The following HRH1 variants were observed in gnomAD, a reference collection of about 807,000 sequenced individuals.
HRH1 encodes the protein histamine receptor H1.
Under a neutral mutation model 10.3 loss-of-function variants are expected in HRH1, and 6 were observed. That is an observed-to-expected ratio of 0.58 (90% CI 0.32 to 1.15). HRH1 has a LOEUF of 1.15. Among genes scored for constraint, HRH1 ranks in the 50% most tolerant of loss-of-function variants. The pLI is 0.05. For synonymous variants in HRH1, 242 were observed against 236.7 expected (o/e 1.02, Z -0.21); for missense variants, 514 against 615.3 (o/e 0.84, Z 1.74).
chr3:11,256,480 T>C (rs1939786006), intron 1 of HRH1, among the ~76,000 whole-genome samples: 1 of 152,146 alleles, frequency 6.6e-6, no homozygotes, highest in Admixed American at 6.5e-5. Flanking sequence ...GGGGTTTTGA[T>C]TTTTATCTTA....
chr3:11,254,894 C>A (rs1939744740), intron 1 of HRH1, among the ~76,000 whole-genome samples: 1 of 152,222 alleles, frequency 6.6e-6, no homozygotes, highest in South Asian at 2.1e-4. Flanking sequence ...CAGTTCCTAG[C>A]ACTTCTGTGT....
chr3:11,142,199 G>A (rs898324935), intron 1 of HRH1, among the ~76,000 whole-genome samples: 2 of 152,230 alleles, frequency 1.3e-5, no homozygotes, highest in African/African-American at 4.8e-5. Context: ...GCAGAAACGG[G>A]TGGAAGAGAA....
intron 1 of HRH1, among the ~76,000 whole-genome samples, chr3:11,182,271 C>T (rs994767911): frequency 4.6e-5 from 7 of 152,124 alleles, no homozygotes; most frequent in South Asian, 4.2e-4. Context: ...TGTGAGCCAC[C>T]GCGCCCGGCC....
At chr3:11,152,817 T>C (rs961027352), upstream of HRH1, among the ~76,000 whole-genome samples, 2 of 152,040 alleles carry the variant, frequency 1.3e-5, no homozygotes, top group African/African-American at 4.8e-5. Flanking sequence ...AGGGCTTTCG[T>C]GGATCCAGGG....
intron 1 of HRH1, among the ~76,000 whole-genome samples, chr3:11,183,626 G>T (rs1335228618): frequency 2.0e-5 from 3 of 152,174 alleles, no homozygotes; most frequent in African/African-American, 7.2e-5. Context: ...GCATGTACAT[G>T]AGGGTGAATC....
chr3:11,250,208 ATT>A (rs71055857), intron 1 of HRH1, among the ~76,000 whole-genome samples: 1,196 of 106,832 alleles, frequency 0.011, 8 homozygotes, highest in African/African-American at 0.041. Context: ...CACCCGGCTA[ATT>A]TTTTTTTTTT....
At chr3:11,193,583 G>C (rs1937589452) in intron 1 of HRH1, among the ~76,000 whole-genome samples, 1 of 152,120 alleles carries the variant, frequency 6.6e-6, no homozygotes, top group Non-Finnish European at 1.5e-5. Flanking sequence ...GGTGGGAAGG[G>C]TGTCTTAGTC....
intron 1 of HRH1, among the ~76,000 whole-genome samples, chr3:11,215,737 A>G (rs1366403950): frequency 1.3e-5 from 2 of 152,162 alleles, no homozygotes; most frequent in Admixed American, 6.5e-5. Context: ...CACCGCGCCC[A>G]GCCGGGTCAC....
At chr3:11,184,241 A>T (rs2125018449) in intron 1 of HRH1, among the ~76,000 whole-genome samples, 1 of 152,318 alleles carries the variant, frequency 6.6e-6, no homozygotes, top group Non-Finnish European at 1.5e-5. Context: ...TAAGTCCTTT[A>T]CATATATTAA....
At chr3:11,154,285 G>A (rs1263544472), upstream of HRH1, among the ~76,000 whole-genome samples, 1 of 151,988 alleles carries the variant, frequency 6.6e-6, no homozygotes, top group African/African-American at 2.4e-5. This position sits in a 1 kb window ranked among gnomAD's most constrained non-coding sequence, Gnocchi z 4.4. Flanking sequence ...GCTGGGAGAG[G>A]GTGTCCGAGC....
At position 11,173,219 on chromosome 3, in the gene HRH1, G is replaced by A. The variant is rs181911156; in HGVS notation, c.-36+18665G>A. Among the ~76,000 whole-genome samples, 533 of 152,260 alleles carry A rather than the reference G, an allele frequency of 3.5e-3. 3 individuals carry two copies. The highest frequency in any genetic ancestry group is 0.012 in the African/African-American group (497 of 41,542). On this transcript the variant is annotated intron_variant, in intron 1 of 1. Coordinates refer to ENST00000431010, the MANE Select transcript of HRH1 (RefSeq NM_001098212.2). ...ACCATTTACTTTATGATCTTGGAAA[G>A]TGACTTTTTCTTGGGTTGATTCATT...
At chr3:11,184,917 C>CAAAAAA (rs11360744) in intron 1 of HRH1, among the ~76,000 whole-genome samples, 2 of 117,300 alleles carry the variant, frequency 1.7e-5, no homozygotes, top group Non-Finnish European at 3.5e-5. Flanking sequence ...GACTCCATTT[C>CAAAAAA]AAAAAAAAAA....
intron 1 of HRH1, among the ~76,000 whole-genome samples, chr3:11,181,507 A>G (rs557135915): frequency 3.3e-4 from 49 of 149,676 alleles, no homozygotes; most frequent in African/African-American, 1.2e-3. Flanking sequence ...GTGTGTAGGA[A>G]GTACTATCTC....
intron 1 of HRH1, among the ~76,000 whole-genome samples, chr3:11,250,027 C>T (rs1002806293): frequency 7.4e-6 from 1 of 134,968 alleles, no homozygotes; most frequent in Non-Finnish European, 1.5e-5. Flanking sequence ...GCAGATTAAG[C>T]TTTTCTCTTT....
At chr3:11,158,260 C>T (rs1467470331) in intron 1 of HRH1, among the ~76,000 whole-genome samples, 3 of 152,208 alleles carry the variant, frequency 2.0e-5, no homozygotes, top group South Asian at 2.1e-4. Flanking sequence ...ACTTTTCTCC[C>T]ACCCTTGGAC....
intron 1 of HRH1, among the ~76,000 whole-genome samples, chr3:11,248,831 G>A (rs1939558539): frequency 6.6e-6 from 1 of 152,206 alleles, no homozygotes; most frequent in Non-Finnish European, 1.5e-5. Context: ...AGGCTGTGGG[G>A]TTCTGGAAGA....
chr3:11,144,494 C>CCTATAG (rs1936386601), intron 1 of HRH1, among the ~76,000 whole-genome samples: 1 of 4,528 alleles, frequency 2.2e-4, no homozygotes. Context: ...CACACACACA[C>CCTATAG]ACGCCACACA....
At chr3:11,258,550 C>G (rs780173456) in intron 1 of HRH1, among the ~76,000 whole-genome samples, 4 of 152,190 alleles carry the variant, frequency 2.6e-5, no homozygotes, top group Non-Finnish European at 5.9e-5. Context: ...GTTTGACATC[C>G]TCATCCTATT....
intron 1 of HRH1, among the ~76,000 whole-genome samples, chr3:11,189,134 C>T (rs1044927106): frequency 6.6e-6 from 1 of 152,158 alleles, no homozygotes; most frequent in Admixed American, 6.5e-5. Flanking sequence ...ACAGAATGGG[C>T]TCAGTAAGGT....
Sources: allele counts gnomAD v4.1 joint callset (sites outside exome capture counted in the v4.1 genomes callset), GRCh38; gene constraint gnomAD v4.1.1; non-coding constraint Gnocchi (gnomAD v3.1); transcripts MANE v1.5; gene names NCBI Gene and HGNC (gene_info 2026-07-23, HGNC 2026-07-21).